DCLK2: variants seen among roughly 807,000 people sequenced by gnomAD.
DCLK2 encodes the protein serine/threonine-protein kinase DCLK2.
DCLK2 carries 31 observed loss-of-function variants against 78.4 expected under a neutral mutation model. The observed-to-expected ratio is 0.40, with a 90% confidence interval of 0.30 to 0.53. The LOEUF (loss-of-function observed/expected upper bound fraction) is 0.53. Ranked by LOEUF, DCLK2 falls within the 20% of genes least tolerant of loss-of-function variation. DCLK2 has a pLI of 0.61. For missense variants in DCLK2, 872 were observed against 973.7 expected, an observed-to-expected ratio of 0.90 and a Z score of 1.39; for synonymous variants, 407 against 374.9, an observed-to-expected ratio of 1.09 and a Z score of -0.99.
chr4:150,216,632 C>T (rs546544222), intron 5 of DCLK2, among the ~76,000 whole-genome samples: 10 of 152,090 alleles, frequency 6.6e-5, no homozygotes, highest in Non-Finnish European at 1.2e-4. Flanking sequence ...AAGTGAGACT[C>T]CGTCTCAAAA....
At chr4:150,082,136 A>C (rs970041497) in intron 1 of DCLK2, among the ~76,000 whole-genome samples, 2 of 152,208 alleles carry the variant, frequency 1.3e-5, no homozygotes, top group African/African-American at 4.8e-5. Flanking sequence ...CTAAGCAGCT[A>C]TCTGTGAAGT....
At chr4:150,170,643 A>C (rs1200001890) in intron 2 of DCLK2, among the ~76,000 whole-genome samples, 1 of 152,190 alleles carries the variant, frequency 6.6e-6, no homozygotes, top group Non-Finnish European at 1.5e-5. Context: ...AGTTCTTTAT[A>C]GTTTACTTGG....
intron 2 of DCLK2, among the ~76,000 whole-genome samples, chr4:150,131,653 G>A (rs1733323034): frequency 6.6e-6 from 1 of 152,080 alleles, no homozygotes; most frequent in Admixed American, 6.5e-5. Context: ...TGGAGAGACT[G>A]GGTCCCAGAG....
chr4:150,203,649 T>C (rs981957701), intron 4 of DCLK2, 146 bp from the exon 5 acceptor site: 3 of 510,046 alleles, frequency 5.9e-6, no homozygotes, highest in Non-Finnish European at 1.0e-5. Context: ...TTATTTTTGC[T>C]TTTTGCTGAT....
intron 2 of DCLK2, among the ~76,000 whole-genome samples, chr4:150,149,152 A>T (rs1734706703): frequency 6.6e-6 from 1 of 152,092 alleles, no homozygotes; most frequent in African/African-American, 2.4e-5. Context: ...CAATCTGAGG[A>T]CAGAATCCAT....
chr4:150,216,216 G>T (rs1284442270), intron 5 of DCLK2, among the ~76,000 whole-genome samples: 1 of 152,150 alleles, frequency 6.6e-6, no homozygotes. Context: ...TAACTCCCTG[G>T]CTAAAAACAG....
chr4:150,079,134 G>C lies in DCLK2; in HGVS notation c.107G>C (p.Ser36Thr). 7 of 1,589,508 alleles carry C rather than the reference G, an allele frequency of 4.4e-6. No homozygotes were observed. Among genetic ancestry groups the C allele is most frequent in the Non-Finnish European group, 6.0e-6 (7 of 1,168,644 alleles). Residue 36 changes from serine (S) to threonine (T), a missense_variant, in exon 1 of 16, where the codon AGC becomes ACC. This residue lies in a region of DCLK2 where 567 missense variants were observed against 593.4 expected (regional missense o/e 0.96). Coordinates refer to ENST00000296550, the MANE Select transcript of DCLK2 (RefSeq NM_001040260.4). ...CCCAGCTCCTCCGGGGGCAGCAGCAGCTCGGGCCCCAAGGGGAACGGGCTC... is the reference window on the plus strand; with the variant it reads ...CCCAGCTCCTCCGGGGGCAGCAGCACCTCGGGCCCCAAGGGGAACGGGCTC... ...GAPSSSGGSS[S>T]SGPKGNGLIP...
chr4:150,187,869 G>A (rs575471490), intron 2 of DCLK2, among the ~76,000 whole-genome samples: 2 of 148,548 alleles, frequency 1.3e-5, no homozygotes, highest in East Asian at 2.0e-4. Flanking sequence ...GTGCGATCTC[G>A]GCTCACTGCA....
chr4:150,102,947 G>A, intron 2 of DCLK2, 135 bp downstream of exon 2: 2 of 787,576 alleles, frequency 2.5e-6, no homozygotes, highest in Non-Finnish European at 3.8e-6. Flanking sequence ...TTGTGTGTGT[G>A]TGTGTATGTG....
At chr4:150,250,880 AC>A (rs1286117446) in intron 15 of DCLK2, among the ~76,000 whole-genome samples, 3 of 29,874 alleles carry the variant, frequency 1.0e-4, no homozygotes, top group African/African-American at 2.5e-4. Context: ...CATCCCCCAC[AC>A]TCCCCACACC....
chr4:150,255,364 C>T (rs368903313), intron 15 of DCLK2, among the ~76,000 whole-genome samples: 10 of 152,306 alleles, frequency 6.6e-5, no homozygotes, highest in South Asian at 2.1e-4. Context: ...AGGCTTAGAA[C>T]GCAAGGTGAC....
intron 15 of DCLK2, 90 bp from the exon 16 acceptor site, chr4:150,255,930 C>A: frequency 6.6e-7 from 1 of 1,505,318 alleles, no homozygotes; most frequent in East Asian, 2.4e-5. Flanking sequence ...TTCTGAGGCC[C>A]GTGCATGCTC....
At chr4:150,180,193 G>C (rs10033999) in intron 2 of DCLK2, among the ~76,000 whole-genome samples, 27,592 of 152,114 alleles carry the variant, frequency 0.18, 2,672 homozygotes, top group Non-Finnish European at 0.22. Flanking sequence ...GTAAATCTCA[G>C]CTCCTCCCTT....
At chr4:150,157,857 G>A (rs1386449083) in intron 2 of DCLK2, among the ~76,000 whole-genome samples, 1 of 152,126 alleles carries the variant, frequency 6.6e-6, no homozygotes, top group Non-Finnish European at 1.5e-5. Context: ...TGAACTCTCT[G>A]AGCTCAAGTG....
intron 12 of DCLK2, among the ~76,000 whole-genome samples, chr4:150,240,898 G>T (rs1742882444): frequency 6.6e-6 from 1 of 151,854 alleles, no homozygotes; most frequent in South Asian, 2.1e-4. Context: ...TGTTTGGTTG[G>T]TCCTCTGAGT....
intron 5 of DCLK2, among the ~76,000 whole-genome samples, chr4:150,218,974 C>T (rs1740958168): frequency 1.3e-5 from 2 of 152,144 alleles, no homozygotes; most frequent in East Asian, 1.9e-4. Context: ...GAGGCTGAGG[C>T]AGGCAGATGG....
intron 4 of DCLK2, among the ~76,000 whole-genome samples, chr4:150,201,814 A>G (rs74411352): frequency 1.4e-5 from 2 of 147,004 alleles, no homozygotes; most frequent in Admixed American, 6.8e-5. Context: ...CAAAAAAAAA[A>G]GGAAAAAAAG....
intron 2 of DCLK2, among the ~76,000 whole-genome samples, chr4:150,180,571 G>C (rs1433356629): frequency 6.6e-6 from 1 of 152,014 alleles, no homozygotes; most frequent in East Asian, 1.9e-4. Context: ...CATGATCATT[G>C]GACTCAATAG....
chr4:150,215,510 T>C (rs1740629391), intron 5 of DCLK2, among the ~76,000 whole-genome samples: 2 of 152,182 alleles, frequency 1.3e-5, no homozygotes, highest in Admixed American at 1.3e-4. Flanking sequence ...TGTTTACTAA[T>C]TTATTATAAA....
Sources: allele counts gnomAD v4.1 joint callset (sites outside exome capture counted in the v4.1 genomes callset), GRCh38; gene constraint gnomAD v4.1.1; regional missense constraint gnomAD v4.1.1; transcripts MANE v1.5; gene names NCBI Gene and HGNC (gene_info 2026-07-23, HGNC 2026-07-21).